The following CERT1 variants were observed in gnomAD, a reference collection of about 807,000 sequenced individuals.
The protein encoded by CERT1 is ceramide transfer protein.
CERT1 carries 31 observed loss-of-function variants against 87.9 expected under a neutral mutation model. The ratio of observed to expected loss-of-function variants is 0.35; its 90% CI spans 0.27 to 0.48. The LOEUF is 0.48. Ranked by LOEUF, CERT1 falls within the 20% of genes least tolerant of loss-of-function variation. CERT1 has a pLI of 0.99. For synonymous variants in CERT1, 289 were observed against 250.9 expected, an observed-to-expected ratio of 1.15 and a Z score of -1.44; for missense variants, 487 against 758.0, an observed-to-expected ratio of 0.64 and a Z score of 4.20.
intron 2 of CERT1, among the ~76,000 whole-genome samples, chr5:75,480,961 T>C (rs1160258019): frequency 2.6e-5 from 4 of 152,156 alleles, no homozygotes; most frequent in African/African-American, 9.7e-5. Context: ...TTTTCCTGCT[T>C]CCATCCCTGC....
At chr5:75,402,834 C>T (rs1762552754) in intron 9 of CERT1, 138 bp downstream of exon 9, 7 of 517,170 alleles carry the variant, frequency 1.4e-5, no homozygotes. Flanking sequence ...ACATTTGTGA[C>T]TCAATGTATT....
chr5:75,506,689 C>T (rs577816091), intron 1 of CERT1, among the ~76,000 whole-genome samples: 2 of 152,296 alleles, frequency 1.3e-5, no homozygotes, highest in Admixed American at 1.3e-4. Flanking sequence ...CTGGCATCAA[C>T]TTTAACTTTT....
intron 5 of CERT1, among the ~76,000 whole-genome samples, chr5:75,420,752 A>G (rs961947266): frequency 6.6e-6 from 1 of 151,912 alleles, no homozygotes; most frequent in African/African-American, 2.4e-5. Flanking sequence ...TACGCATTCC[A>G]CTCATAATGC....
chr5:75,407,272 GTATTAA>G (rs1433398758), intron 8 of CERT1, among the ~76,000 whole-genome samples: 1 of 151,788 alleles, frequency 6.6e-6, no homozygotes, highest in Admixed American at 6.6e-5. Flanking sequence ...AACTCCAGAT[GTATTAA>G]TATATTTAGA....
At chr5:75,406,387 G>T (rs890170184) in intron 8 of CERT1, among the ~76,000 whole-genome samples, 3 of 152,192 alleles carry the variant, frequency 2.0e-5, no homozygotes, top group Non-Finnish European at 4.4e-5. Flanking sequence ...CACCTTCCCT[G>T]CATTAAAAGT....
At chr5:75,469,060 T>C (rs1461607395) in intron 2 of CERT1, among the ~76,000 whole-genome samples, 1 of 151,718 alleles carries the variant, frequency 6.6e-6, no homozygotes, top group African/African-American at 2.4e-5. Flanking sequence ...ACAGAAACAT[T>C]GAACAAAATG....
chr5:75,486,464 A>T (rs1766527792), intron 2 of CERT1, among the ~76,000 whole-genome samples: 1 of 152,118 alleles, frequency 6.6e-6, no homozygotes, highest in Admixed American at 6.5e-5. Context: ...CACCATTGCT[A>T]TTCAACATAG....
rs1198217217 is a variant in CERT1, at chr5:75,392,969, C to CAAAAAA, written c.1189-3288_1189-3283dup. Among the ~76,000 whole-genome samples the CAAAAAA allele has an allele frequency of 1.7e-3, 15 of 8,706 alleles. 3 individuals carry two copies. The highest frequency in any genetic ancestry group is 2.1e-3 in the Non-Finnish European group (11 of 5,344). The allele number at this position is 8,706 out of a possible 152,430, so 5.7% of individuals were successfully genotyped here. A position where few individuals can be genotyped will look rare whatever the true frequency, so the allele number is the denominator to read the frequency against. Reference sequence around the variant, plus strand: ...TGGATGACAGAGAGAGACTCCGTCTCAAAAAAAAAAAAAAAAAAAAAAAAA... The same window carrying CAAAAAA: ...TGGATGACAGAGAGAGACTCCGTCTCAAAAAAAAAAAAAAAAAAAAAAAAAAAAAAA... On this transcript the variant is annotated intron_variant, in intron 11 of 16. Transcript: ENST00000643780.
intron 2 of CERT1, among the ~76,000 whole-genome samples, chr5:75,501,808 C>A (rs1394688306): frequency 6.6e-6 from 1 of 152,064 alleles, no homozygotes; most frequent in Admixed American, 6.5e-5. Context: ...AAACTAAAAA[C>A]ATCAATATCA....
chr5:75,385,615 T>C (rs2112012793), intron 13 of CERT1, among the ~76,000 whole-genome samples: 1 of 152,368 alleles, frequency 6.6e-6, no homozygotes, highest in Non-Finnish European at 1.5e-5. Flanking sequence ...TTGTTGCCTT[T>C]GACAAGTCAC....
intron 3 of CERT1, among the ~76,000 whole-genome samples, chr5:75,440,525 G>A (rs568647571): frequency 5.7e-4 from 86 of 152,128 alleles, no homozygotes; most frequent in Admixed American, 4.1e-3. Flanking sequence ...GTCATTTATG[G>A]GAGCTGGTTA....
intron 8 of CERT1, among the ~76,000 whole-genome samples, chr5:75,409,841 T>TC (rs1290328468): frequency 1.6e-4 from 24 of 151,992 alleles, no homozygotes; most frequent in African/African-American, 5.5e-4. Flanking sequence ...GTTTTTTTTT[T>TC]TTTTTTAAAG....
intron 3 of CERT1, among the ~76,000 whole-genome samples, chr5:75,455,538 C>CTAA (rs1362041722): frequency 3.3e-5 from 5 of 152,250 alleles, no homozygotes; most frequent in Admixed American, 3.3e-4. Flanking sequence ...TTGCACTAGT[C>CTAA]TAATACATAG....
Position 75,432,056 on chromosome 5 carries a change from C to T in CERT1, c.349-5578G>A, listed in dbSNP as rs530790719. Reference sequence around the variant, plus strand: ...CAGCAGTGTATAAACATTCCCCCCCCCTTTTTTTTTTTTGAGATGAAGACT... The same window carrying T: ...CAGCAGTGTATAAACATTCCCCCCCTCTTTTTTTTTTTTGAGATGAAGACT... On this transcript the variant is annotated intron_variant, in intron 3 of 16. Coordinates refer to ENST00000643780, the MANE Select transcript of CERT1 (RefSeq NM_001379029.1). Among the ~76,000 whole-genome samples, 12 of 150,614 alleles carry T rather than the reference C, an allele frequency of 8.0e-5. No individual in the cohort carries two copies. In the East Asian group the frequency reaches 9.7e-4, roughly 12 times the overall value.
At chr5:75,473,120 GC>G (rs1349932088) in intron 2 of CERT1, among the ~76,000 whole-genome samples, 7 of 152,080 alleles carry the variant, frequency 4.6e-5, no homozygotes, top group Non-Finnish European at 4.4e-5. Flanking sequence ...TTGCTCTGTT[GC>G]CCAGGCTGGA....
intron 5 of CERT1, among the ~76,000 whole-genome samples, chr5:75,420,396 T>G (rs1580745183): frequency 6.7e-6 from 1 of 149,932 alleles, no homozygotes; most frequent in South Asian, 2.1e-4. Context: ...CAGGCTGGAG[T>G]GCAGTGGCGC....
chr5:75,433,367 T>C (rs1170661389), intron 3 of CERT1, among the ~76,000 whole-genome samples: 1 of 152,234 alleles, frequency 6.6e-6, no homozygotes, highest in Non-Finnish European at 1.5e-5. Context: ...TCCAATTTCC[T>C]TCAGCAGTGT....
intron 1 of CERT1, among the ~76,000 whole-genome samples, chr5:75,508,071 T>G (rs943282938): frequency 3.3e-5 from 5 of 152,210 alleles, no homozygotes; most frequent in Middle Eastern, 3.2e-3. Context: ...TTTTCTTACA[T>G]TGATCGTATT....
chr5:75,510,923 C>G (rs1292862258), intron 1 of CERT1, among the ~76,000 whole-genome samples, 189 bp downstream of exon 1: 2 of 152,144 alleles, frequency 1.3e-5, no homozygotes, highest in African/African-American at 4.8e-5. Flanking sequence ...TCGGCTGCCC[C>G]CGACGAGCCC....
Sources: allele counts gnomAD v4.1 joint callset (sites outside exome capture counted in the v4.1 genomes callset), GRCh38; gene constraint gnomAD v4.1.1; transcripts MANE v1.5; gene names NCBI Gene and HGNC (gene_info 2026-07-23, HGNC 2026-07-21).